Variants in TBL1XR1 observed in about 807,000 individuals in gnomAD.
The protein encoded by TBL1XR1 is F-box-like/WD repeat-containing protein TBL1XR1.
In TBL1XR1, 5 loss-of-function variants were observed where a neutral mutation model predicts 66.9. The ratio of observed to expected loss-of-function variants is 0.07; its 90% CI spans 0.04 to 0.16. The LOEUF is 0.16. Among genes scored for constraint, TBL1XR1 ranks in the 10% least tolerant of loss-of-function variants. The pLI is 1.00. For synonymous variants in TBL1XR1, 210 were observed against 206.0 expected, an observed-to-expected ratio of 1.02 and a Z score of -0.17; for missense variants, 238 against 623.2, an observed-to-expected ratio of 0.38 and a Z score of 6.58.
chr3:177,126,949 G>C (rs1727709536), intron 1 of TBL1XR1, among the ~76,000 whole-genome samples: 1 of 152,076 alleles, frequency 6.6e-6, no homozygotes, highest in South Asian at 2.1e-4. Flanking sequence ...AAGAGCATTA[G>C]AATGGCAGTT....
At chr3:177,184,313 C>CA (rs1283572614) in intron 1 of TBL1XR1, among the ~76,000 whole-genome samples, 3 of 152,134 alleles carry the variant, frequency 2.0e-5, no homozygotes, top group African/African-American at 7.2e-5. Flanking sequence ...GCCATAGTTC[C>CA]ACAAATCCCA....
intron 3 of TBL1XR1, among the ~76,000 whole-genome samples, chr3:177,063,533 A>T (rs1045281926): frequency 6.6e-6 from 1 of 152,150 alleles, no homozygotes; most frequent in African/African-American, 2.4e-5. Flanking sequence ...AACCCAACAA[A>T]TTTTTTCCAT....
At chr3:177,049,877 T>C (rs1162605275) in intron 7 of TBL1XR1, 120 bp downstream of exon 7, 3 of 1,120,458 alleles carry the variant, frequency 2.7e-6, no homozygotes, top group African/African-American at 1.6e-5. Flanking sequence ...TCCCGGTTTG[T>C]TGTTACTAGT....
At chr3:177,036,071 T>G (rs888797188) in intron 12 of TBL1XR1, among the ~76,000 whole-genome samples, 1 of 152,186 alleles carries the variant, frequency 6.6e-6, no homozygotes, top group Non-Finnish European at 1.5e-5. Flanking sequence ...TTATTACTAG[T>G]TTAATTTGTT....
upstream of TBL1XR1, among the ~76,000 whole-genome samples, chr3:177,198,087 T>A (rs1737161547): frequency 6.6e-6 from 1 of 152,108 alleles, no homozygotes; most frequent in Non-Finnish European, 1.5e-5. Flanking sequence ...GACATTTGTT[T>A]GTGAAAATCT....
rs1478509675 is a variant in TBL1XR1 at position 177,112,091 on chromosome 3, ATATATATATATATATATTTTT to A, written c.-121-13571_-121-13551del. 1.3e-4 allele frequency among the ~76,000 whole-genome samples: 6 copies of A among 45,636 alleles called. 1 individual carries two copies. The highest frequency in any genetic ancestry group is 8.9e-4 in the African/African-American group (6 of 6,704). 29.9% of individuals were successfully genotyped at this position (45,636 alleles called of 152,430 possible). On this transcript the variant is annotated intron_variant, in intron 1 of 15. Coordinates refer to ENST00000457928, the MANE Select transcript of TBL1XR1 (RefSeq NM_024665.7). The stretch of plus-strand genomic sequence containing the variant: ...TAAAATCAAATATATATATATATAT[ATATATATATATATATATTTTT>A]TTTTTTTTTTTTTGTGAGGGGCTCT...
At chr3:177,080,374 T>C (rs984129525) in intron 2 of TBL1XR1, among the ~76,000 whole-genome samples, 1 of 152,192 alleles carries the variant, frequency 6.6e-6, no homozygotes, top group African/African-American at 2.4e-5. Context: ...TTTGGGCTAG[T>C]ACTTACTTTA....
chr3:177,022,416 G>A lies in TBL1XR1; in HGVS notation c.*3082C>T, dbSNP rs1341482159. On this transcript the variant is annotated 3_prime_UTR_variant, in exon 16 of 16. Coordinates refer to ENST00000457928, the MANE Select transcript of TBL1XR1 (RefSeq NM_024665.7). ...TAAAAGTCATTTGAAAGTCAATGATGTTATCTGGTCAATGGCAGGAAATGG... is the reference window on the plus strand; with the variant it reads ...TAAAAGTCATTTGAAAGTCAATGATATTATCTGGTCAATGGCAGGAAATGG... 6.6e-6 allele frequency: 1 copy of A among 152,418 alleles called. No individual in the cohort carries two copies. Among genetic ancestry groups the A allele is most frequent in the Non-Finnish European group, 1.5e-5 (1 of 67,924 alleles). 9.4% of individuals were successfully genotyped at this position (152,418 alleles called of 1,614,324 possible).
intron 2 of TBL1XR1, chr3:177,086,949 T>G (rs1301182482): frequency 6.6e-6 from 1 of 150,838 alleles, no homozygotes; most frequent in Non-Finnish European, 1.5e-5. Context: ...AAAAATCATA[T>G]GGAAAATATA....
chr3:177,025,414 G>T lies in TBL1XR1; in HGVS notation c.*84C>A, dbSNP rs1327569353. 3 of 1,424,790 alleles carry T rather than the reference G, an allele frequency of 2.1e-6. No individual in the cohort carries two copies. Among genetic ancestry groups the T allele is most frequent in the African/African-American group, 1.4e-5 (1 of 70,646 alleles). 88.3% of individuals were successfully genotyped at this position (1,424,790 alleles called of 1,614,324 possible). ...TAGTGGACTGGCCATGGTTCAAGTGGGACTATAGCAGTACATGGGTCAGGG... is the reference window on the plus strand; with the variant it reads ...TAGTGGACTGGCCATGGTTCAAGTGTGACTATAGCAGTACATGGGTCAGGG... On this transcript the variant is annotated 3_prime_UTR_variant, in exon 16 of 16. Transcript: ENST00000457928.
intron 1 of TBL1XR1, among the ~76,000 whole-genome samples, chr3:177,159,330 C>T (rs1731892591): frequency 6.6e-6 from 1 of 152,010 alleles, no homozygotes; most frequent in African/African-American, 2.4e-5. Flanking sequence ...AGGAAATTAC[C>T]ACTTATACCA....
At chr3:177,086,919 G>A (rs1266742781) in intron 2 of TBL1XR1, 1 of 150,962 alleles carries the variant, frequency 6.6e-6, no homozygotes, top group Non-Finnish European at 1.5e-5. Context: ...AATAAAAGAA[G>A]CTAGAGAAAA....
chr3:177,073,622 T>C (rs1000164676), intron 2 of TBL1XR1, among the ~76,000 whole-genome samples: 1 of 152,188 alleles, frequency 6.6e-6, no homozygotes, highest in Non-Finnish European at 1.5e-5. Flanking sequence ...TTTTACTGAG[T>C]ACTACACTAC....
At chr3:177,187,338 T>C (rs1288869457) in intron 1 of TBL1XR1, among the ~76,000 whole-genome samples, 1 of 144,938 alleles carries the variant, frequency 6.9e-6, no homozygotes, top group Admixed American at 7.2e-5. Flanking sequence ...GAGGTTGCAG[T>C]GAACCAAGAT....
intron 1 of TBL1XR1, among the ~76,000 whole-genome samples, chr3:177,113,221 A>C (rs1027743133): frequency 4.6e-5 from 7 of 152,140 alleles, no homozygotes; most frequent in African/African-American, 1.7e-4. Context: ...TTAAACAAAA[A>C]AAATGGATTA....
At chr3:177,101,206 A>C (rs966278457) in intron 1 of TBL1XR1, among the ~76,000 whole-genome samples, 1 of 152,170 alleles carries the variant, frequency 6.6e-6, no homozygotes, top group African/African-American at 2.4e-5. Context: ...ATTAGATCAT[A>C]GCAAGTGAAG....
intron 1 of TBL1XR1, chr3:177,110,872 CA>C: frequency 6.6e-6 from 1 of 152,176 alleles, no homozygotes; most frequent in South Asian, 2.1e-4. Context: ...AGATAGGGTC[CA>C]GAAGAGGAAA....
At position 177,120,586 on chromosome 3, in the gene TBL1XR1, T is replaced by C. The variant is rs1041881569; in HGVS notation, c.-121-22045A>G. On this transcript the variant is annotated intron_variant, in intron 1 of 15. Coordinates refer to ENST00000457928, the MANE Select transcript of TBL1XR1 (RefSeq NM_024665.7). Reference sequence around the variant, plus strand: ...ACCTAGATATTTTATCCAAAGTCAATCCATCCTTAAAATCAAAGGTCACGT... The same window carrying C: ...ACCTAGATATTTTATCCAAAGTCAACCCATCCTTAAAATCAAAGGTCACGT... 3.3e-5 allele frequency: 5 copies of C among 152,168 alleles called. No homozygotes were observed. The East Asian group carries it at 9.6e-4, about 29-fold the overall frequency. 9.4% of individuals were successfully genotyped at this position (152,168 alleles called of 1,614,324 possible).
chr3:177,105,936 T>A (rs1166914588), intron 1 of TBL1XR1, among the ~76,000 whole-genome samples: 2 of 151,028 alleles, frequency 1.3e-5, no homozygotes, highest in South Asian at 4.4e-4. Context: ...AAATACTAAA[T>A]TGCAAAGTGA....
Sources: allele counts gnomAD v4.1 joint callset (sites outside exome capture counted in the v4.1 genomes callset), GRCh38; gene constraint gnomAD v4.1.1; transcripts MANE v1.5; gene names NCBI Gene and HGNC (gene_info 2026-07-23, HGNC 2026-07-21).